POLG: variants seen among roughly 807,000 people sequenced by gnomAD.
POLG encodes DNA polymerase subunit gamma-1.
A neutral mutation model predicts 155.4 loss-of-function variants in POLG; 110 were observed. The ratio of observed to expected loss-of-function variants is 0.71; its 90% CI spans 0.61 to 0.83. The LOEUF (loss-of-function observed/expected upper bound fraction) is 0.83, where lower values mean the gene tolerates loss of function less well. Ranked by LOEUF, POLG falls within the 40% of genes least tolerant of loss-of-function variation. The pLI is 0.00. For missense variants in POLG, 1,685 were observed against 1,627.5 expected, an observed-to-expected ratio of 1.04 and a Z score of -0.61; for synonymous variants, 701 against 631.5, an observed-to-expected ratio of 1.11 and a Z score of -1.65.
chr15:89,321,027 G>T lies in POLG; in HGVS notation c.2735-15C>A, dbSNP rs41544115. ...GGCTGTGCAGCCTGGAAGACAAGCA[G>T]GAGTGAGAAAAGCAGCTCAGGAACA... On this transcript the variant is annotated splice_polypyrimidine_tract_variant and intron_variant, in intron 17 of 22. Coordinates refer to ENST00000268124, the MANE Select transcript of POLG (RefSeq NM_002693.3). 6.2e-7 allele frequency: 1 copy of T among 1,614,136 alleles called. No individual in the cohort carries two copies. Among genetic ancestry groups the T allele is most frequent in the Non-Finnish European group, 8.5e-7 (1 of 1,180,032 alleles).
In POLG at chr15:89,328,721, C is replaced by G; in HGVS notation, c.1134G>C (p.Val378=). The change falls in exon 5 of 23, where the codon GTG becomes GTC. Residue 378 remains valine, a synonymous_variant. Coordinates refer to ENST00000268124, the MANE Select transcript of POLG (RefSeq NM_002693.3). ...PLEKEPRELF[V]KGTMKDIREN... ...CACGAATGTCCTTCATGGTGCCCTT[C>G]ACAAACAGTTCTCGAGGCTCCTTCT... The G allele has an allele frequency of 6.2e-7, 1 of 1,614,196 alleles. No individual in the cohort carries two copies. The highest frequency in any genetic ancestry group is 8.5e-7 in the Non-Finnish European group (1 of 1,180,040).
chr15:89,334,000 G>C, intron 1 of POLG, 87 bp from the exon 2 acceptor site: 2 of 577,742 alleles, frequency 3.5e-6, no homozygotes, highest in Non-Finnish European at 6.1e-6. Flanking sequence ...CATTTACTGC[G>C]TCCCCAACAC....
At position 89,322,763 on chromosome 15, in the gene POLG, C is replaced by G. The variant is rs545622947; in HGVS notation, c.2405G>C (p.Arg802Thr). Residue 802 changes from arginine to threonine, a missense_variant, in exon 14 of 23, where the codon AGG (arginine) becomes ACG (threonine). Around this residue, in one of 3 missense-constraint regions of POLG, gnomAD observed 1,210 missense variants for 1,167.1 expected, o/e 1.04. Transcript: ENST00000268124. Reference protein sequence around the residue: ...LEINKMISFWRNAHKRISSQM... With the variant: ...LEINKMISFWTNAHKRISSQM... ...CCACCTGATACGTTTATGGGCGTTC[C>G]TCCAGAAAGAAATCATTTTGTTGAT... The G allele has an allele frequency of 6.2e-7, 1 of 1,614,152 alleles. No homozygotes were observed. Among genetic ancestry groups the G allele is most frequent in the South Asian group, 1.1e-5 (1 of 91,080 alleles).
rs2055404128 is a variant in POLG at position 89,321,998 on chromosome 15, C to A, written c.2444G>T (p.Trp815Leu). Reference sequence around the variant, plus strand: ...ACGGGGCAGAGCTGACCTGGGCAGCCACACCACCATCTGGGAGCTGTGGGG... The same window carrying A: ...ACGGGGCAGAGCTGACCTGGGCAGCAACACCACCATCTGGGAGCTGTGGGG... ...HKRISSQMVV[W>L]LPRSALPRAV... The change falls in exon 15 of 23, where the codon TGG becomes TTG. Residue 815 changes from tryptophan to leucine, a missense_variant. This residue lies in a region of POLG where 1,210 missense variants were observed against 1,167.1 expected (regional missense o/e 1.04). Coordinates refer to ENST00000268124, the MANE Select transcript of POLG (RefSeq NM_002693.3). The A allele has an allele frequency of 1.2e-6, 2 of 1,614,070 alleles. No individual in the cohort carries two copies. The highest frequency in any genetic ancestry group is 2.7e-5 in the African/African-American group (2 of 74,930).
intron 6 of POLG, 106 bp downstream of exon 6, chr15:89,328,350 G>A (rs938676538): frequency 1.1e-5 from 9 of 852,574 alleles, no homozygotes; most frequent in African/African-American, 6.7e-5. Flanking sequence ...GCCTAGAAAA[G>A]CTAAGGTCCC....
intron 18 of POLG, among the ~76,000 whole-genome samples, chr15:89,320,090 C>T (rs559613404): frequency 6.6e-6 from 1 of 152,348 alleles, no homozygotes; most frequent in East Asian, 1.9e-4. Flanking sequence ...CTCCCCTTCC[C>T]TGCATTTATA....
chr15:89,333,923 A>G lies in POLG; in HGVS notation c.-159-10T>C, dbSNP rs2141817035. ...CCTTCCACCCCAAATCCTAAAGGAG[A>G]CAGATGATATAAAGCGTTATTTTAC... is the stretch of plus-strand genomic sequence containing the variant. On this transcript the variant is annotated splice_polypyrimidine_tract_variant and intron_variant, in intron 1 of 22. Transcript: ENST00000268124. 1.4e-6 allele frequency: 1 copy of G among 710,804 alleles called. No homozygotes were observed. The highest frequency in any genetic ancestry group is 1.8e-5 in the African/African-American group (1 of 56,248). 44.0% of individuals were successfully genotyped at this position (710,804 alleles called of 1,614,324 possible).
chr15:89,328,662 C>T (rs1338294290), intron 5 of POLG, 23 bp downstream of exon 5: 7 of 1,613,828 alleles, frequency 4.3e-6, no homozygotes, highest in Non-Finnish European at 5.9e-6. Context: ...CCCATGTCCC[C>T]AGAGCCCCCT....
intron 9 of POLG, 105 bp from the exon 10 acceptor site, chr15:89,325,791 G>A: frequency 2.1e-6 from 2 of 938,056 alleles, no homozygotes; most frequent in African/African-American, 3.2e-5. Context: ...AAGCCCTGGG[G>A]CTTTCTGGTG....
chr15:89,329,951 G>C, intron 3 of POLG, 130 bp downstream of exon 3: 2 of 794,152 alleles, frequency 2.5e-6, no homozygotes, highest in Non-Finnish European at 4.4e-6. Context: ...CTGGTCAACA[G>C]ATGCGCCTTG....
Position 89,325,073 on chromosome 15 carries a change from T to A in POLG, c.1949+377A>T, listed in dbSNP as rs80302118. 5.8e-3 allele frequency among the ~76,000 whole-genome samples: 431 copies of A among 74,048 alleles called. 17 individuals are homozygous for A. Among genetic ancestry groups the A allele is most frequent in the African/African-American group, 0.019 (234 of 12,514 alleles). 48.6% of individuals were successfully genotyped at this position (74,048 alleles called of 152,430 possible). ...GTGAGTGAGAGAGTGAGTGAGTGAGTGAGTGAGTGAGAGAGTGAGTGAGTG... is the reference window on the plus strand; with the variant it reads ...GTGAGTGAGAGAGTGAGTGAGTGAGAGAGTGAGTGAGAGAGTGAGTGAGTG... On this transcript the variant is annotated intron_variant, in intron 10 of 22. Coordinates refer to ENST00000268124, the MANE Select transcript of POLG (RefSeq NM_002693.3).
intron 7 of POLG, 30 bp from the exon 8 acceptor site, chr15:89,327,093 A>G: frequency 6.2e-7 from 1 of 1,614,226 alleles, no homozygotes; most frequent in Non-Finnish European, 8.5e-7. Context: ...GGGCAGGGCT[A>G]AGGCTAAGCC....
At position 89,329,039 on chromosome 15, in the gene POLG, G is replaced by T. The variant is rs370964643; in HGVS notation, c.927C>A (p.Arg309=). ...MAISGLSSFQ[R]SLWIAAKQGK... ...CCTGCTTGGCTGCTATCCACAGACT[G>T]CGCTGGAAGCTGCTTAGCCCTGAGA... is the stretch of plus-strand genomic sequence containing the variant. The change falls in exon 4 of 23, where the codon CGC becomes CGA. Residue 309 remains arginine, a synonymous_variant. Coordinates refer to ENST00000268124, the MANE Select transcript of POLG (RefSeq NM_002693.3). 1 of 1,613,158 alleles carries T rather than the reference G, an allele frequency of 6.2e-7. No individual in the cohort carries two copies. Among genetic ancestry groups the T allele is most frequent in the African/African-American group, 1.3e-5 (1 of 74,936 alleles).
At chr15:89,321,033 A>C in intron 17 of POLG, 21 bp from the exon 18 acceptor site, 1 of 1,614,170 alleles carries the variant, frequency 6.2e-7, no homozygotes, top group Non-Finnish European at 8.5e-7. Context: ...AGCAGGAGTG[A>C]GAAAAGCAGC....
In POLG at chr15:89,316,789, T is replaced by G; in HGVS notation, c.3682A>C (p.Lys1228Gln). 1 of 1,614,064 alleles carries G rather than the reference T, an allele frequency of 6.2e-7. No individual in the cohort carries two copies. Among genetic ancestry groups the G allele is most frequent in the Non-Finnish European group, 8.5e-7 (1 of 1,179,910 alleles). ...LDIYQIIELT[K>Q]GSLEKRSQPG... ...TGGCTTCGTTTTTCCAAGGAGCCTTTGGTGAGTTCAATTATCTGGTAAATA... is the reference window on the plus strand; with the variant it reads ...TGGCTTCGTTTTTCCAAGGAGCCTTGGGTGAGTTCAATTATCTGGTAAATA... Residue 1228 changes from lysine (K) to glutamine (Q), a missense_variant, in exon 23 of 23, where the codon AAA (lysine) becomes CAA (glutamine). Physicochemically the swap from Lys to Gln is moderately conservative, Grantham distance 53 (BLOSUM62 1). Around this residue, in one of 3 missense-constraint regions of POLG, gnomAD observed 470 missense variants for 439.9 expected, o/e 1.07. Transcript: ENST00000268124.
chr15:89,325,111 A>AGTGAGTGAGAGAGT (rs1555453311), intron 10 of POLG, among the ~76,000 whole-genome samples: 1 of 36,910 alleles, frequency 2.7e-5, no homozygotes, highest in African/African-American at 2.1e-4. Flanking sequence ...AGAGTGAGAG[A>AGTGAGTGAGAGAGT]GAGTGAGTGA....
At chr15:89,324,060 A>T (rs1370776863) in intron 11 of POLG, 47 bp downstream of exon 11, 1 of 1,613,066 alleles carries the variant, frequency 6.2e-7, no homozygotes, top group African/African-American at 1.3e-5. Context: ...TGGGTGGAAT[A>T]CAGAGACCTC....
Position 89,327,020 on chromosome 15 carries a change from G to A in POLG, c.1477C>T (p.Gln493Ter). ...PWLWDLEWDL[Q>*]EFKQKKAKKV... Reference sequence around the variant, plus strand: ...TTAGCTTTCTTCTGCTTAAATTCTTGCAGGTCCCACTCCAGGTCCCAGAGC... The same window carrying A: ...TTAGCTTTCTTCTGCTTAAATTCTTACAGGTCCCACTCCAGGTCCCAGAGC... The change falls in exon 8 of 23, where the codon CAA (glutamine) becomes TAA (stop). Residue 493 changes from glutamine (Q) to a stop codon, truncating the protein, a stop_gained. Transcript: ENST00000268124. LOFTEE classifies it high-confidence loss of function. The A allele has an allele frequency of 6.2e-7, 1 of 1,614,132 alleles. No homozygotes were observed.
At position 89,318,583 on chromosome 15, in the gene POLG, T is replaced by C; in HGVS notation, c.3440A>G (p.Tyr1147Cys). ...VRYLVREEDR[Y>C]RAALALQITN... ...GATCTGCAAGGCCAGGGCAGCGCGG[T>C]AGCGGTCCTCCTCCCGCACCAGGTA... The change falls in exon 21 of 23, where the codon TAC becomes TGC. Residue 1147 changes from tyrosine to cysteine, a missense_variant. This residue lies in a region of POLG where 470 missense variants were observed against 439.9 expected (regional missense o/e 1.07). Transcript: ENST00000268124. 5.0e-6 allele frequency: 8 copies of C among 1,614,024 alleles called. No individual in the cohort carries two copies. Among genetic ancestry groups the C allele is most frequent in the Non-Finnish European group, 6.8e-6 (8 of 1,180,032 alleles).
Sources: allele counts gnomAD v4.1 joint callset (sites outside exome capture counted in the v4.1 genomes callset), GRCh38; gene constraint gnomAD v4.1.1; regional missense constraint gnomAD v4.1.1; transcripts MANE v1.5; gene names NCBI Gene and HGNC (gene_info 2026-07-23, HGNC 2026-07-21).